NWD1: variants seen among roughly 807,000 people sequenced by gnomAD.
NWD1 encodes the protein NACHT and WD repeat domain containing 1, also known as NACHT domain- and WD repeat-containing protein 1.
NWD1 carries 129 observed loss-of-function variants against 135.1 expected under a neutral mutation model. The observed-to-expected ratio is 0.96, with a 90% CI of 0.83 to 1.11. The LOEUF is 1.11. Among genes scored for constraint, NWD1 ranks in the 50% least tolerant of loss-of-function variants. The pLI is 0.00. For synonymous variants in NWD1, 773 were observed against 786.0 expected, an observed-to-expected ratio of 0.98 and a Z score of 0.28; for missense variants, 1,740 against 1,851.3, an observed-to-expected ratio of 0.94 and a Z score of 1.10.
At chr19:16,732,054 T>C (rs760631692) in intron 3 of NWD1, among the ~76,000 whole-genome samples, 1 of 151,638 alleles carries the variant, frequency 6.6e-6, no homozygotes, top group Non-Finnish European at 1.5e-5. Flanking sequence ...CTGTCTCTAC[T>C]AAAAATATAA....
rs1358400028 is a variant in NWD1 at position 16,808,004 on chromosome 19, G to A, written c.4155G>A (p.Glu1385=). Residue 1385 remains glutamate, a synonymous_variant, in exon 18 of 19, where the codon GAG becomes GAA. Transcript: ENST00000524140. ...ECATSKAFPL[E]THRSRVACVE... ...CAACTTCCAAAGCGTTTCCCTTGGA[G>A]ACCCACAGGAGCCGAGTTGCCTGTG... is the stretch of plus-strand genomic sequence containing the variant. The A allele has an allele frequency of 6.2e-7, 1 of 1,614,136 alleles. No individual in the cohort carries two copies. Among genetic ancestry groups the A allele is most frequent in the Admixed American group, 1.7e-5 (1 of 60,004 alleles).
At chr19:16,770,090 G>A (rs78424294) in intron 10 of NWD1, among the ~76,000 whole-genome samples, 1,937 of 152,208 alleles carry the variant, frequency 0.013, 52 homozygotes, top group African/African-American at 0.044. Flanking sequence ...AAGGCCAATG[G>A]CATCATCTGT....
intron 17 of NWD1, among the ~76,000 whole-genome samples, chr19:16,804,894 G>A (rs139803032): frequency 2.0e-5 from 3 of 151,802 alleles, no homozygotes; most frequent in East Asian, 3.9e-4. Flanking sequence ...GTACAATGAC[G>A]GCTCAGTGCA....
chr19:16,734,256 A>G (rs1364550638), intron 3 of NWD1, among the ~76,000 whole-genome samples: 1 of 152,182 alleles, frequency 6.6e-6, no homozygotes, highest in East Asian at 1.9e-4. Context: ...CTTTTTTAAA[A>G]AAGCTTTTCT....
rs775001902 is a variant in NWD1, at chr19:16,762,085, A to G, written c.2080A>G (p.Lys694Glu). 8 of 1,614,008 alleles carry G rather than the reference A, an allele frequency of 5.0e-6. No individual in the cohort carries two copies. Among genetic ancestry groups the G allele is most frequent in the Non-Finnish European group, 5.9e-6 (7 of 1,180,018 alleles). ...FFSGTWSQGT[K>E]KLITLPLVGK... ...CTCAGGGACCTGGAGCCAGGGTACCAAGAAGCTCATCACTCTGCCACTTGT... is the reference window on the plus strand; with the variant it reads ...CTCAGGGACCTGGAGCCAGGGTACCGAGAAGCTCATCACTCTGCCACTTGT... Residue 694 changes from lysine to glutamate, a missense_variant, in exon 8 of 19, where the codon AAG becomes GAG. By Grantham distance (56) the Lys-to-Glu change is moderately conservative (BLOSUM62 1). Coordinates refer to ENST00000524140, the MANE Select transcript of NWD1 (RefSeq NM_001007525.5).
At chr19:16,773,055 A>C in intron 10 of NWD1, 71 bp from the exon 11 acceptor site, 2 of 1,307,258 alleles carry the variant, frequency 1.5e-6, no homozygotes, top group Non-Finnish European at 2.2e-6. Flanking sequence ...TGCAGGGAGC[A>C]GAGACTCAAT....
chr19:16,773,713 A>T (rs1969495589), intron 11 of NWD1, among the ~76,000 whole-genome samples: 1 of 152,258 alleles, frequency 6.6e-6, no homozygotes, highest in Admixed American at 6.5e-5. Flanking sequence ...CCCAGAATGT[A>T]AGGGAGAGGA....
intron 3 of NWD1, among the ~76,000 whole-genome samples, chr19:16,734,939 A>G (rs867110739): frequency 1.1e-4 from 17 of 151,640 alleles, no homozygotes; most frequent in African/African-American, 3.6e-4. Context: ...CTTAATTTTT[A>G]TTTTTTTAGA....
chr19:16,736,587 C>T, intron 3 of NWD1, 47 bp from the exon 4 acceptor site: 1 of 1,209,242 alleles, frequency 8.3e-7, no homozygotes, highest in Non-Finnish European at 1.2e-6. Context: ...AAAAACAAAT[C>T]ACCTGTCATG....
At chr19:16,786,553 C>CTTTTTTTT (rs111519885) in intron 12 of NWD1, among the ~76,000 whole-genome samples, 2 of 146,112 alleles carry the variant, frequency 1.4e-5, no homozygotes, top group African/African-American at 2.5e-5. Flanking sequence ...GTTGGGGACA[C>CTTTTTTTT]TTTTTTTTTT....
intron 17 of NWD1, among the ~76,000 whole-genome samples, chr19:16,807,162 T>A (rs1970769950): frequency 7.3e-6 from 1 of 136,392 alleles, no homozygotes; most frequent in South Asian, 2.3e-4. Context: ...CACTCCAGAA[T>A]ACTGTCTCAA....
At chr19:16,769,763 T>C (rs1268177389) in intron 10 of NWD1, among the ~76,000 whole-genome samples, 1 of 152,228 alleles carries the variant, frequency 6.6e-6, no homozygotes, top group Non-Finnish European at 1.5e-5. Context: ...GAAGCTTAAC[T>C]TCTCTATGTC....
At chr19:16,773,990 C>G (rs1969508843) in intron 11 of NWD1, among the ~76,000 whole-genome samples, 1 of 146,834 alleles carries the variant, frequency 6.8e-6, no homozygotes, top group African/African-American at 2.6e-5. Context: ...ATTCACCTTC[C>G]TACTCTTCCA....
At chr19:16,771,357 C>G (rs904986652) in intron 10 of NWD1, among the ~76,000 whole-genome samples, 2 of 151,904 alleles carry the variant, frequency 1.3e-5, no homozygotes, top group Non-Finnish European at 2.9e-5. Flanking sequence ...GGCTGAGGCA[C>G]GAAAATTGCT....
intron 6 of NWD1, among the ~76,000 whole-genome samples, chr19:16,758,996 T>G (rs773198262): frequency 6.4e-5 from 6 of 93,816 alleles, no homozygotes; most frequent in Admixed American, 1.5e-4. Flanking sequence ...AGAGTGAAAC[T>G]CTGTCTCAAA....
chr19:16,799,609 C>T (rs553971158), intron 16 of NWD1, among the ~76,000 whole-genome samples: 40 of 151,604 alleles, frequency 2.6e-4, no homozygotes, highest in South Asian at 4.2e-4. Context: ...CGGGTTCAAG[C>T]GATTCTCCTG....
In NWD1 at chr19:16,756,738, C is replaced by T. The variant is rs190876916; in HGVS notation, c.1770-2487C>T. Reference sequence around the variant, plus strand: ...CCATCCCCCAGTACCGGTACTGCTCCGTGGCCTGTTAGGAACCAGGCTGCA... The same window carrying T: ...CCATCCCCCAGTACCGGTACTGCTCTGTGGCCTGTTAGGAACCAGGCTGCA... On this transcript the variant is annotated intron_variant, in intron 6 of 18. Transcript: ENST00000524140. Among the ~76,000 whole-genome samples the T allele has an allele frequency of 5.4e-4, 82 of 152,202 alleles. 1 individual carries two copies. In the East Asian group the frequency reaches 0.014, roughly 25 times the overall value.
chr19:16,759,979 C>G (rs1261042562), intron 7 of NWD1, among the ~76,000 whole-genome samples: 1 of 151,742 alleles, frequency 6.6e-6, no homozygotes, highest in East Asian at 1.9e-4. Flanking sequence ...GGCAACAGAG[C>G]GAGACTCCAT....
intron 3 of NWD1, among the ~76,000 whole-genome samples, chr19:16,732,670 G>GAGAA (rs1967626659): frequency 1.2e-5 from 1 of 86,282 alleles, no homozygotes; most frequent in Non-Finnish European, 2.2e-5. Flanking sequence ...AAAAAAAAAA[G>GAGAA]AAAAAGTGAA....
Sources: allele counts gnomAD v4.1 joint callset (sites outside exome capture counted in the v4.1 genomes callset), GRCh38; gene constraint gnomAD v4.1.1; transcripts MANE v1.5; gene names NCBI Gene and HGNC (gene_info 2026-07-23, HGNC 2026-07-21).